Variants in ZMAT4 observed in about 807,000 individuals in gnomAD.
ZMAT4 encodes zinc finger matrin-type 4.
A neutral mutation model predicts 28.7 loss-of-function variants in ZMAT4; 17 were observed. The ratio of observed to expected loss-of-function variants is 0.59; its 90% CI spans 0.41 to 0.89. ZMAT4 has a LOEUF of 0.89. Ranked by LOEUF, ZMAT4 falls within the 40% of genes least tolerant of loss-of-function variation. The pLI is 0.00. For synonymous variants in ZMAT4, 117 were observed against 109.2 expected (o/e 1.07, Z -0.44); for missense variants, 240 against 283.8 (o/e 0.85, Z 1.11).
At chr8:40,791,138 G>A (rs1023820698) in intron 2 of ZMAT4, among the ~76,000 whole-genome samples, 3 of 152,202 alleles carry the variant, frequency 2.0e-5, no homozygotes, top group African/African-American at 7.2e-5. Flanking sequence ...ACTCAAGATG[G>A]ATTATAAATC....
chr8:40,795,914 T>C (rs1158064687), intron 2 of ZMAT4, among the ~76,000 whole-genome samples: 1 of 152,200 alleles, frequency 6.6e-6, no homozygotes, highest in Non-Finnish European at 1.5e-5. Context: ...GCAAAAGAAG[T>C]GCTTAAAATA....
intron 5 of ZMAT4, among the ~76,000 whole-genome samples, chr8:40,592,385 C>T (rs966177044): frequency 6.6e-6 from 1 of 152,178 alleles, no homozygotes; most frequent in African/African-American, 2.4e-5. Context: ...TCCATACTAC[C>T]GTCATTCCAA....
At chr8:40,728,454 G>T (rs1178340297) in intron 3 of ZMAT4, among the ~76,000 whole-genome samples, 2 of 152,148 alleles carry the variant, frequency 1.3e-5, no homozygotes, top group Non-Finnish European at 2.9e-5. Flanking sequence ...CCCAACCTGA[G>T]CATCACTGGT....
intron 4 of ZMAT4, among the ~76,000 whole-genome samples, chr8:40,686,920 C>T (rs1809434482): frequency 6.6e-6 from 1 of 151,980 alleles, no homozygotes; most frequent in East Asian, 1.9e-4. Context: ...CTAACTGCTG[C>T]CCTGTGTTCT....
chr8:40,780,460 A>G (rs936026829), intron 2 of ZMAT4, among the ~76,000 whole-genome samples: 1 of 152,228 alleles, frequency 6.6e-6, no homozygotes, highest in Admixed American at 6.5e-5. Flanking sequence ...TCCAGAAAGA[A>G]CCATTATCTT....
At chr8:40,751,527 G>T (rs1030417483) in intron 3 of ZMAT4, among the ~76,000 whole-genome samples, 1 of 152,008 alleles carries the variant, frequency 6.6e-6, no homozygotes, top group Non-Finnish European at 1.5e-5. Context: ...CCACCCACAA[G>T]AAATCCATCC....
At chr8:40,594,191 G>A (rs779630561) in intron 5 of ZMAT4, among the ~76,000 whole-genome samples, 11 of 152,224 alleles carry the variant, frequency 7.2e-5, no homozygotes, top group Admixed American at 2.6e-4. Context: ...GAAGATTTTC[G>A]TGGGACACAT....
At chr8:40,874,399 T>C (rs573943826) in intron 1 of ZMAT4, among the ~76,000 whole-genome samples, 1 of 152,212 alleles carries the variant, frequency 6.6e-6, no homozygotes, top group Non-Finnish European at 1.5e-5. Context: ...CTGAAGAAAG[T>C]GTTTGTTTTG....
intron 5 of ZMAT4, among the ~76,000 whole-genome samples, chr8:40,613,984 T>G (rs1805900614): frequency 6.6e-6 from 1 of 152,236 alleles, no homozygotes; most frequent in African/African-American, 2.4e-5. Flanking sequence ...TTGAAGCAAC[T>G]GTCCTTGACA....
intron 1 of ZMAT4, among the ~76,000 whole-genome samples, chr8:40,862,467 G>T (rs1314309157): frequency 6.7e-6 from 1 of 148,250 alleles, no homozygotes; most frequent in Non-Finnish European, 1.5e-5. Context: ...TATACCTAAT[G>T]CTAGACGACA....
chr8:40,666,332 TATC>T (rs1563398223), intron 5 of ZMAT4, among the ~76,000 whole-genome samples: 1 of 152,182 alleles, frequency 6.6e-6, no homozygotes, highest in Non-Finnish European at 1.5e-5. Flanking sequence ...TAGAGACAGG[TATC>T]ATCTTTTTCT....
At position 40,532,091 on chromosome 8, in the gene ZMAT4, T is replaced by A; in HGVS notation, c.*132A>T. The A allele has an allele frequency of 1.3e-6, 1 of 767,748 alleles. No homozygotes were observed. The highest frequency in any genetic ancestry group is 4.5e-5 in the South Asian group (1 of 22,296). 47.6% of individuals were successfully genotyped at this position (767,748 alleles called of 1,614,324 possible). On this transcript the variant is annotated 3_prime_UTR_variant, in exon 7 of 7. Coordinates refer to ENST00000297737, the MANE Select transcript of ZMAT4 (RefSeq NM_024645.3). ...CATTTCCAAAAATCAAGATCAGTCGTATGTGAATCTGTGAATCCTTATAAG... is the reference window on the plus strand; with the variant it reads ...CATTTCCAAAAATCAAGATCAGTCGAATGTGAATCTGTGAATCCTTATAAG...
At chr8:40,757,487 G>A (rs991480422) in intron 3 of ZMAT4, among the ~76,000 whole-genome samples, 12 of 151,896 alleles carry the variant, frequency 7.9e-5, no homozygotes, top group Admixed American at 7.9e-4. Flanking sequence ...TTGGGAGGCT[G>A]AGGCAGGAGA....
intron 6 of ZMAT4, among the ~76,000 whole-genome samples, chr8:40,570,631 T>C (rs1804067406): frequency 6.6e-6 from 1 of 152,048 alleles, no homozygotes; most frequent in South Asian, 2.1e-4. Flanking sequence ...GTCCAGGAAG[T>C]GGAGGTTGCA....
intron 1 of ZMAT4, among the ~76,000 whole-genome samples, chr8:40,888,779 G>T (rs1188395002): frequency 1.3e-5 from 2 of 152,250 alleles, no homozygotes; most frequent in Non-Finnish European, 2.9e-5. Context: ...GGCCACCTCG[G>T]GGGGGCCCGC....
chr8:40,873,406 A>G (rs1352553008), intron 1 of ZMAT4, among the ~76,000 whole-genome samples: 3 of 152,196 alleles, frequency 2.0e-5, no homozygotes, highest in African/African-American at 7.2e-5. Flanking sequence ...ATGTTTCCAA[A>G]TCAACGACAG....
chr8:40,768,738 A>G (rs937259330), intron 2 of ZMAT4, among the ~76,000 whole-genome samples: 8 of 152,176 alleles, frequency 5.3e-5, no homozygotes, highest in Non-Finnish European at 1.2e-4. Flanking sequence ...AAAAATTGCA[A>G]TCTGCATAAT....
At chr8:40,752,136 T>C (rs978593616) in intron 3 of ZMAT4, among the ~76,000 whole-genome samples, 1 of 152,054 alleles carries the variant, frequency 6.6e-6, no homozygotes, top group African/African-American at 2.4e-5. Context: ...ACTTCCTCAT[T>C]CCCCCAGGAA....
At chr8:40,818,142 C>T (rs944735608) in intron 2 of ZMAT4, among the ~76,000 whole-genome samples, 1 of 152,188 alleles carries the variant, frequency 6.6e-6, no homozygotes, top group Non-Finnish European at 1.5e-5. Context: ...TGCTCTTCAG[C>T]CTATTGTCTA....
Sources: gnomAD v4.1 joint callset for allele counts (sites outside exome capture counted in the v4.1 genomes callset) on GRCh38, gnomAD v4.1.1 for gene constraint, MANE v1.5 for transcripts, NCBI Gene and HGNC (gene_info 2026-07-23, HGNC 2026-07-21) for gene names.